The following VSTM1 variants were observed in gnomAD, a reference collection of about 807,000 sequenced individuals.
VSTM1 encodes V-set and transmembrane domain-containing protein 1.
A neutral mutation model predicts 33.1 loss-of-function variants in VSTM1; 27 were observed. That is an observed-to-expected ratio of 0.82 (90% CI 0.60 to 1.12). VSTM1 has a LOEUF of 1.12. Among genes scored for constraint, VSTM1 ranks in the 50% most tolerant of loss-of-function variants. The pLI, the probability that VSTM1 is intolerant of heterozygous loss-of-function variation, is 0.00. For missense variants in VSTM1, 304 were observed against 288.9 expected, an observed-to-expected ratio of 1.05 and a Z score of -0.38; for synonymous variants, 115 against 110.3, an observed-to-expected ratio of 1.04 and a Z score of -0.27.
chr19:54,041,918 G>T lies in VSTM1; in HGVS notation c.551C>A (p.Ala184Asp), dbSNP rs2070296816. The T allele has an allele frequency of 1.2e-6, 2 of 1,614,170 alleles. No individual in the cohort carries two copies. The highest frequency in any genetic ancestry group is 4.5e-5 in the East Asian group (2 of 44,872). The stretch of plus-strand genomic sequence containing the variant: ...CTTAAACTTCCCCTGTCCCTTACCG[G>T]CAGCCTCCTGCTCCGGAAGTTTGGA... ...SHSKLPEQEA[A>D]EADLSNMERV... Residue 184 changes from alanine (A) to aspartate (D), a missense_variant and splice_region_variant, in exon 7 of 9, where the codon GCC becomes GAC. Physicochemically the swap from Ala to Asp is moderately radical, Grantham distance 126. Coordinates refer to ENST00000338372, the MANE Select transcript of VSTM1 (RefSeq NM_198481.4).
At chr19:54,047,256 C>A (rs2070640049) in intron 4 of VSTM1, among the ~76,000 whole-genome samples, 1 of 151,992 alleles carries the variant, frequency 6.6e-6, no homozygotes, top group African/African-American at 2.4e-5. Context: ...TGTCTAAGAG[C>A]CTGCTTCTGG....
intron 4 of VSTM1, among the ~76,000 whole-genome samples, chr19:54,042,811 T>TACATATATATATATATATATATATAC (rs2070366423): frequency 2.6e-5 from 1 of 38,396 alleles, no homozygotes; most frequent in African/African-American, 8.2e-5. Context: ...AATGTGTATA[T>TACATATATATATATATATATATATAC]ATATATATAT....
rs1219640377 is a variant in VSTM1, at chr19:54,055,873, T to C, written c.355+2433A>G. 1.4e-5 allele frequency: 2 copies of C among 142,114 alleles called. 1 individual carries two copies. Among genetic ancestry groups the C allele is most frequent in the Non-Finnish European group, 3.1e-5 (2 of 64,414 alleles). The allele number at this position is 142,114 out of a possible 1,614,324, so 8.8% of individuals were successfully genotyped here. A position where few individuals can be genotyped will look rare whatever the true frequency, so the allele number is the denominator to read the frequency against. ...CATTTTCTACTGCACTTGGGGACTA[T>C]CTCATCCATCTCTCCGTATTAACCA... On this transcript the variant is annotated intron_variant, in intron 3 of 8. Coordinates refer to ENST00000338372, the MANE Select transcript of VSTM1 (RefSeq NM_198481.4).
In VSTM1 at chr19:54,052,627, C is replaced by T. The variant is rs880001488; in HGVS notation, c.356-1179G>A. 1.4e-5 allele frequency among the ~76,000 whole-genome samples: 2 copies of T among 141,266 alleles called. 1 individual carries two copies. Among genetic ancestry groups the T allele is most frequent in the African/African-American group, 5.2e-5 (2 of 38,208 alleles). The allele number at this position is 141,266 out of a possible 152,430, so 92.7% of individuals were successfully genotyped here. Reference sequence around the variant, plus strand: ...GTTCTAAGATGAAGAAGTTCAGGTGCTCAGCATGGTGGCAATGGATGTGCT... The same window carrying T: ...GTTCTAAGATGAAGAAGTTCAGGTGTTCAGCATGGTGGCAATGGATGTGCT... On this transcript the variant is annotated intron_variant, in intron 3 of 8. Transcript: ENST00000338372.
At chr19:54,054,282 C>T (rs959235092) in intron 3 of VSTM1, among the ~76,000 whole-genome samples, 4 of 141,684 alleles carry the variant, frequency 2.8e-5, no homozygotes, top group Non-Finnish European at 3.1e-5. Context: ...GGCAAATAAT[C>T]GCGAGGCTTT....
intron 2 of VSTM1, 28 bp downstream of exon 2, chr19:54,058,669 A>G (rs2071233884): frequency 6.2e-7 from 1 of 1,613,874 alleles, no homozygotes; most frequent in Admixed American, 1.7e-5. Flanking sequence ...GGATGCAGGA[A>G]TAAAAGTTTA....
intron 4 of VSTM1, among the ~76,000 whole-genome samples, chr19:54,045,209 A>G (rs1216846761): frequency 1.3e-5 from 2 of 152,184 alleles, no homozygotes; most frequent in African/African-American, 2.4e-5. Flanking sequence ...TATCTAATTT[A>G]TCTATCTCGC....
At chr19:54,047,702 C>T (rs1272719627) in intron 4 of VSTM1, among the ~76,000 whole-genome samples, 5 of 152,180 alleles carry the variant, frequency 3.3e-5, no homozygotes, top group Non-Finnish European at 7.3e-5. Flanking sequence ...GCAGCCTTGC[C>T]TTGTCCTTTC....
intron 7 of VSTM1, 45 bp downstream of exon 7, chr19:54,041,871 A>T: frequency 6.2e-7 from 1 of 1,613,848 alleles, no homozygotes; most frequent in African/African-American, 1.3e-5. Flanking sequence ...GTCAGAACTT[A>T]GTCTTTCTAT....
chr19:54,051,040 T>C (rs1022962261), intron 4 of VSTM1, among the ~76,000 whole-genome samples: 1 of 151,084 alleles, frequency 6.6e-6, no homozygotes, highest in African/African-American at 2.4e-5. Flanking sequence ...ACGCCTGTAA[T>C]CCCAGCACTT....
At chr19:54,063,683 C>G (rs2071507867) in intron 1 of VSTM1, 61 bp downstream of exon 1, 40 of 1,597,864 alleles carry the variant, frequency 2.5e-5, no homozygotes, top group Admixed American at 5.1e-5. Context: ...CCTGGACTGC[C>G]ACTCCCACAT....
intron 3 of VSTM1, among the ~76,000 whole-genome samples, chr19:54,051,980 C>T (rs2070861335): frequency 6.6e-6 from 1 of 151,914 alleles, no homozygotes; most frequent in Non-Finnish European, 1.5e-5. Context: ...AGGCTGGTCT[C>T]AAACTCCTGG....
At chr19:54,042,525 T>G (rs76638738) in intron 4 of VSTM1, among the ~76,000 whole-genome samples, 156 bp from the exon 5 acceptor site, 8,197 of 151,684 alleles carry the variant, frequency 0.054, 661 homozygotes, top group African/African-American at 0.18. Context: ...TTGGGGAATT[T>G]CCTTAATCTT....
At chr19:54,061,264 C>A (rs573991879) in intron 1 of VSTM1, among the ~76,000 whole-genome samples, 1 of 152,076 alleles carries the variant, frequency 6.6e-6, no homozygotes, top group Non-Finnish European at 1.5e-5. Flanking sequence ...GAGATCTGCC[C>A]GCCTGGGCCT....
intron 3 of VSTM1, among the ~76,000 whole-genome samples, chr19:54,054,227 A>G (rs2070979512): frequency 7.0e-6 from 1 of 142,318 alleles, no homozygotes. Flanking sequence ...AGGTGAAGAA[A>G]TCAGGAAACA....
At chr19:54,052,039 G>A (rs1397803131) in intron 3 of VSTM1, among the ~76,000 whole-genome samples, 1 of 152,108 alleles carries the variant, frequency 6.6e-6, no homozygotes, top group Non-Finnish European at 1.5e-5. Context: ...GGGATTCCAG[G>A]CATGAGCCAC....
At chr19:54,050,156 G>T (rs1377185455) in intron 4 of VSTM1, among the ~76,000 whole-genome samples, 1 of 151,352 alleles carries the variant, frequency 6.6e-6, no homozygotes. Context: ...CCACCACAAT[G>T]CCCAGCAAAT....
chr19:54,058,095 C>G (rs2071189817), intron 3 of VSTM1, among the ~76,000 whole-genome samples: 1 of 151,676 alleles, frequency 6.6e-6, no homozygotes, highest in Admixed American at 6.6e-5. Flanking sequence ...AAACAATTAG[C>G]TGGGCGTGGT....
At chr19:54,041,402 A>C (rs1287302744) in intron 8 of VSTM1, among the ~76,000 whole-genome samples, 7 of 151,924 alleles carry the variant, frequency 4.6e-5, no homozygotes, top group Admixed American at 3.9e-4. Flanking sequence ...CCCGGGTTCA[A>C]GCCATTCTCC....
Sources: allele counts gnomAD v4.1 joint callset (sites outside exome capture counted in the v4.1 genomes callset), GRCh38; gene constraint gnomAD v4.1.1; transcripts MANE v1.5; gene names NCBI Gene and HGNC (gene_info 2026-07-23, HGNC 2026-07-21).